Variants in ERICH3 observed in about 807,000 individuals in gnomAD.
ERICH3 encodes glutamate-rich protein 3.
ERICH3 carries 126 observed loss-of-function variants against 131.1 expected under a neutral mutation model. The observed-to-expected ratio is 0.96, with a 90% CI of 0.83 to 1.11. The LOEUF (loss-of-function observed/expected upper bound fraction) is 1.11. ERICH3 is among the 50% of genes most tolerant of loss of function. The pLI is 0.00. For synonymous variants in ERICH3, 695 were observed against 644.6 expected, an observed-to-expected ratio of 1.08 and a Z score of -1.18; for missense variants, 2,050 against 1,810.7, an observed-to-expected ratio of 1.13 and a Z score of -2.40.
chr1:74,668,005 C>T (rs578211346), intron 1 of ERICH3, among the ~76,000 whole-genome samples: 15 of 152,204 alleles, frequency 9.9e-5, no homozygotes, highest in African/African-American at 3.1e-4. Context: ...TCTCCTGCTG[C>T]GATGTAAGAC....
Position 74,573,170 on chromosome 1 carries a change from C to A in ERICH3, c.2540G>T (p.Gly847Val). ...CCCCCCTTCACCCAGCCTTCTGACC[C>A]CTTCTGCTTCTGCTGCTCCCTCTGC... is the stretch of plus-strand genomic sequence containing the variant. ...RGAEGAAEAE[G>V]VRRLGEGGSD... Residue 847 changes from glycine (G) to valine (V), a missense_variant, in exon 14 of 15, where the codon GGG becomes GTG. Transcript: ENST00000326665. 6.2e-7 allele frequency: 1 copy of A among 1,613,910 alleles called. No individual in the cohort carries two copies. Among genetic ancestry groups the A allele is most frequent in the Non-Finnish European group, 8.5e-7 (1 of 1,179,864 alleles).
intron 5 of ERICH3, among the ~76,000 whole-genome samples, chr1:74,636,782 C>T (rs952346723): frequency 2.0e-5 from 3 of 152,038 alleles, no homozygotes; most frequent in African/African-American, 7.2e-5. Context: ...TTTAATGTTA[C>T]GTTGAATAAT....
intron 11 of ERICH3, 24 bp downstream of exon 11, chr1:74,599,671 T>C: frequency 1.9e-6 from 3 of 1,553,698 alleles, no homozygotes; most frequent in Non-Finnish European, 2.6e-6. Flanking sequence ...CAGCCTATGT[T>C]ACATGATAAG....
chr1:74,573,063 G>C lies in ERICH3; in HGVS notation c.2647C>G (p.Leu883Val). The C allele has an allele frequency of 1.2e-6, 2 of 1,614,130 alleles. No individual in the cohort carries two copies. Among genetic ancestry groups the C allele is most frequent in the South Asian group, 2.2e-5 (2 of 91,086 alleles). The change falls in exon 14 of 15, where the codon CTC becomes GTC. Residue 883 changes from leucine to valine, a missense_variant. Physicochemically the swap from Leu to Val is conservative, Grantham distance 32 (BLOSUM62 1). Coordinates refer to ENST00000326665, the MANE Select transcript of ERICH3 (RefSeq NM_001002912.5). Reference protein sequence around the residue: ...DEAPEKQALMLTVLETDKAAS... With the variant: ...DEAPEKQALMVTVLETDKAAS... ...GCTTTGTCTGTCTCAAGCACTGTGA[G>C]CATCAAGGCTTGCTTTTCAGGAGCC...
chr1:74,652,077 C>T (rs903667577), intron 1 of ERICH3, among the ~76,000 whole-genome samples: 2 of 152,124 alleles, frequency 1.3e-5, no homozygotes, highest in African/African-American at 2.4e-5. Flanking sequence ...CAACTCCTTC[C>T]ACAACTATCA....
In ERICH3 at chr1:74,636,326, C is replaced by T. The variant is rs996105118; in HGVS notation, c.557G>A (p.Arg186Lys). ...ATTTTCCAGCAATGAGGTTTTTGAT[C>T]TGGACCTTGAAGTTACCTTTGGAAC... is the stretch of plus-strand genomic sequence containing the variant. ...ETVPKVTSRS[R>K]SKTSLLENEA... Residue 186 changes from arginine to lysine, a missense_variant, in exon 6 of 15, where the codon AGA becomes AAA. Arg to Lys is a conservative substitution (Grantham distance 26, BLOSUM62 2). Transcript: ENST00000326665. 6.2e-7 allele frequency: 1 copy of T among 1,611,744 alleles called. No individual in the cohort carries two copies. The highest frequency in any genetic ancestry group is 8.5e-7 in the Non-Finnish European group (1 of 1,178,560).
At chr1:74,619,872 A>G (rs1318817491) in intron 8 of ERICH3, among the ~76,000 whole-genome samples, 1 of 152,246 alleles carries the variant, frequency 6.6e-6, no homozygotes, top group Non-Finnish European at 1.5e-5. Flanking sequence ...GTAATTCCTC[A>G]ATATGAATTT....
intron 9 of ERICH3, among the ~76,000 whole-genome samples, chr1:74,610,302 A>G (rs1175080856): frequency 6.6e-6 from 1 of 151,158 alleles, no homozygotes; most frequent in Non-Finnish European, 1.5e-5. Flanking sequence ...TCAGTTGATA[A>G]ATTTATGTAT....
chr1:74,638,104 C>A (rs1157467516), intron 5 of ERICH3, among the ~76,000 whole-genome samples: 1 of 151,970 alleles, frequency 6.6e-6, no homozygotes, highest in Non-Finnish European at 1.5e-5. Context: ...GAATGGTGAA[C>A]AACAAATATT....
intron 12 of ERICH3, among the ~76,000 whole-genome samples, chr1:74,579,134 T>C (rs1647130638): frequency 1.3e-5 from 2 of 152,138 alleles, no homozygotes; most frequent in South Asian, 4.1e-4. Context: ...ATGAGTTAAA[T>C]ATCATTTTAC....
intron 1 of ERICH3, among the ~76,000 whole-genome samples, chr1:74,663,512 C>T (rs1646661297): frequency 6.6e-6 from 1 of 151,764 alleles, no homozygotes; most frequent in South Asian, 2.1e-4. Flanking sequence ...TACACCCTTT[C>T]CTACTCTCTC....
rs994800551 is a variant in ERICH3 at position 74,571,849 on chromosome 1, C to G, written c.3861G>C (p.Glu1287Asp). The G allele has an allele frequency of 1.1e-5, 18 of 1,612,156 alleles. No homozygotes were observed. The highest frequency in any genetic ancestry group is 1.7e-5 in the Admixed American group (1 of 60,008). ...CCTCTGGGTCCTCATCCACCGCTTCCTCCCTGAACTTTTCTGCCATTATGG... is the reference window on the plus strand; with the variant it reads ...CCTCTGGGTCCTCATCCACCGCTTCGTCCCTGAACTTTTCTGCCATTATGG... ...EDPIMAEKFR[E>D]EAVDEDPEEE... The change falls in exon 14 of 15, where the codon GAG becomes GAC. Residue 1287 changes from glutamate (E) to aspartate (D), a missense_variant. Glu to Asp is a conservative substitution (Grantham distance 45). Coordinates refer to ENST00000326665, the MANE Select transcript of ERICH3 (RefSeq NM_001002912.5).
intron 12 of ERICH3, chr1:74,577,483 A>G (rs1225195658): frequency 6.6e-6 from 1 of 152,402 alleles, no homozygotes; most frequent in African/African-American, 2.4e-5. Flanking sequence ...TGTCCAGCTT[A>G]TTGGAGGTCA....
chr1:74,636,444 C>T lies in ERICH3; in HGVS notation c.445-6G>A. On this transcript the variant is annotated splice_polypyrimidine_tract_variant and splice_region_variant and intron_variant, in intron 5 of 14. Coordinates refer to ENST00000326665, the MANE Select transcript of ERICH3 (RefSeq NM_001002912.5). ...GTATATGGTCGAGGGGCTGTCTAGACAATTAGGGGAAAAAATTCCATTTAA... is the reference window on the plus strand; with the variant it reads ...GTATATGGTCGAGGGGCTGTCTAGATAATTAGGGGAAAAAATTCCATTTAA... 1 of 1,591,580 alleles carries T rather than the reference C, an allele frequency of 6.3e-7. No individual in the cohort carries two copies. The highest frequency in any genetic ancestry group is 8.6e-7 in the Non-Finnish European group (1 of 1,169,546).
At chr1:74,670,324 C>A (rs901638966) in intron 1 of ERICH3, among the ~76,000 whole-genome samples, 2 of 151,872 alleles carry the variant, frequency 1.3e-5, no homozygotes, top group African/African-American at 2.4e-5. Context: ...AGTTGTTGAC[C>A]ATGTGAGGCA....
In ERICH3 at chr1:74,573,045, C is replaced by G. The variant is rs1388710111; in HGVS notation, c.2665G>C (p.Asp889His). ...QALMLTVLET[D>H]KAASEGEQGL... Reference sequence around the variant, plus strand: ...TGTTCCCCTTCAGAAGCTGCTTTGTCTGTCTCAAGCACTGTGAGCATCAAG... The same window carrying G: ...TGTTCCCCTTCAGAAGCTGCTTTGTGTGTCTCAAGCACTGTGAGCATCAAG... Residue 889 changes from aspartate (D) to histidine (H), a missense_variant, in exon 14 of 15, where the codon GAC (aspartate) becomes CAC (histidine). Asp to His is a moderately conservative substitution (Grantham distance 81, BLOSUM62 -1). Coordinates refer to ENST00000326665, the MANE Select transcript of ERICH3 (RefSeq NM_001002912.5). 6.2e-7 allele frequency: 1 copy of G among 1,614,044 alleles called. No individual in the cohort carries two copies. Among genetic ancestry groups the G allele is most frequent in the Non-Finnish European group, 8.5e-7 (1 of 1,180,030 alleles).
intron 7 of ERICH3, among the ~76,000 whole-genome samples, chr1:74,621,135 G>A (rs1649202602): frequency 1.3e-5 from 2 of 151,994 alleles, no homozygotes; most frequent in Admixed American, 6.6e-5. Context: ...TACTTTTAAT[G>A]TAAATAATGG....
At chr1:74,626,746 G>A (rs1649429477) in intron 7 of ERICH3, among the ~76,000 whole-genome samples, 1 of 152,106 alleles carries the variant, frequency 6.6e-6, no homozygotes, top group South Asian at 2.1e-4. Flanking sequence ...TGTAAATGCA[G>A]TATAAAGCTC....
At chr1:74,632,184 T>G (rs1189150611) in intron 6 of ERICH3, among the ~76,000 whole-genome samples, 4 of 152,166 alleles carry the variant, frequency 2.6e-5, no homozygotes, top group Non-Finnish European at 4.4e-5. Context: ...TTTGGGGTTT[T>G]TCTTCAACAA....
Sources: allele counts gnomAD v4.1 joint callset (sites outside exome capture counted in the v4.1 genomes callset), GRCh38; gene constraint gnomAD v4.1.1; transcripts MANE v1.5; gene names NCBI Gene and HGNC (gene_info 2026-07-23, HGNC 2026-07-21).